The following SNX13 variants were observed in gnomAD, a reference collection of about 807,000 sequenced individuals.
SNX13 encodes the protein sorting nexin-13.
In SNX13, 45 loss-of-function variants were observed where a neutral mutation model predicts 133.6. The observed-to-expected ratio is 0.34, with a 90% CI of 0.27 to 0.43. The LOEUF (loss-of-function observed/expected upper bound fraction) is 0.43. Among genes scored for constraint, SNX13 ranks in the 20% least tolerant of loss-of-function variants. SNX13 has a pLI of 1.00. For missense variants in SNX13, 1,032 were observed against 1,145.1 expected (o/e 0.90, Z 1.43); for synonymous variants, 414 against 373.9 (o/e 1.11, Z -1.24).
At chr7:17,834,962 AC>A in intron 13 of SNX13, 97 bp from the exon 14 acceptor site, 1 of 709,726 alleles carries the variant, frequency 1.4e-6, no homozygotes, top group South Asian at 2.3e-5. Context: ...ATTGAAAATA[AC>A]TGGCAGGTAA....
At chr7:17,829,119 A>G (rs1420214831) in intron 16 of SNX13, among the ~76,000 whole-genome samples, 2 of 151,570 alleles carry the variant, frequency 1.3e-5, no homozygotes, top group Admixed American at 6.6e-5. Flanking sequence ...CATTTACTCA[A>G]TAAGGTTATT....
chr7:17,795,483 T>C (rs1235292020), intron 25 of SNX13: 1 of 151,708 alleles, frequency 6.6e-6, no homozygotes, highest in Non-Finnish European at 1.5e-5. Context: ...ACCACCATCA[T>C]CATCTCAGTG....
chr7:17,914,425 A>G (rs1447916038), intron 1 of SNX13, among the ~76,000 whole-genome samples: 2 of 152,192 alleles, frequency 1.3e-5, no homozygotes, highest in Non-Finnish European at 2.9e-5. Context: ...AATCTGCAAG[A>G]CACATAGTAA....
intron 25 of SNX13, 153 bp from the exon 26 acceptor site, chr7:17,794,445 T>C: frequency 2.2e-6 from 2 of 890,012 alleles, no homozygotes; most frequent in Non-Finnish European, 3.3e-6. Flanking sequence ...AGCTGAAACT[T>C]AATATGCATC....
intron 24 of SNX13, among the ~76,000 whole-genome samples, chr7:17,797,769 C>G (rs1336287426): frequency 6.6e-6 from 1 of 151,750 alleles, no homozygotes; most frequent in Non-Finnish European, 1.5e-5. Context: ...TTTACCTACC[C>G]TGAAATAAAA....
chr7:17,885,240 GACC>G (rs1369014477), intron 5 of SNX13, among the ~76,000 whole-genome samples: 1 of 140,714 alleles, frequency 7.1e-6, no homozygotes, highest in African/African-American at 2.7e-5. Context: ...CAGGAAAAAA[GACC>G]ACATATATTA....
At chr7:17,938,409 G>A (rs1282022594) in intron 1 of SNX13, among the ~76,000 whole-genome samples, 1 of 152,150 alleles carries the variant, frequency 6.6e-6, no homozygotes, top group African/African-American at 2.4e-5. Flanking sequence ...TCTGGCTTCA[G>A]TTTCCTAATC....
chr7:17,886,059 G>C (rs937552137), intron 5 of SNX13, among the ~76,000 whole-genome samples: 1 of 152,102 alleles, frequency 6.6e-6, no homozygotes, highest in Non-Finnish European at 1.5e-5. Flanking sequence ...AGTTTTGTTT[G>C]CCTTTTAACA....
At chr7:17,917,345 A>C (rs1333566119) in intron 1 of SNX13, among the ~76,000 whole-genome samples, 2 of 152,184 alleles carry the variant, frequency 1.3e-5, no homozygotes, top group Non-Finnish European at 2.9e-5. Context: ...AAACGCATCC[A>C]AATAGAAAAA....
chr7:17,894,150 A>T (rs1378382809), intron 2 of SNX13, among the ~76,000 whole-genome samples: 4 of 151,826 alleles, frequency 2.6e-5, no homozygotes, highest in Admixed American at 1.3e-4. Context: ...TAAAAACACA[A>T]AAATTAGCTG....
chr7:17,840,034 T>G (rs757809214), intron 12 of SNX13, 34 bp from the exon 13 acceptor site: 20 of 1,567,844 alleles, frequency 1.3e-5, no homozygotes, highest in Admixed American at 1.1e-4. Context: ...ACATAAATAT[T>G]AGTGTCACAC....
intron 18 of SNX13, among the ~76,000 whole-genome samples, chr7:17,819,368 A>G (rs1177499898): frequency 6.6e-6 from 1 of 152,006 alleles, no homozygotes; most frequent in Non-Finnish European, 1.5e-5. Flanking sequence ...CAGCCTCCTG[A>G]GTAGCTGGGA....
intron 5 of SNX13, among the ~76,000 whole-genome samples, chr7:17,885,006 A>C (rs1795819382): frequency 6.6e-6 from 1 of 152,196 alleles, no homozygotes; most frequent in Non-Finnish European, 1.5e-5. Context: ...GTATATATCC[A>C]AGAGAAATGG....
rs974910708 is a variant in SNX13 at position 17,845,981 on chromosome 7, A to G, written c.1066-287T>C. 6.6e-5 allele frequency among the ~76,000 whole-genome samples: 10 copies of G among 152,186 alleles called. No homozygotes were observed. The East Asian group carries it at 1.9e-3, about 29-fold the overall frequency. On this transcript the variant is annotated intron_variant, in intron 11 of 25. Coordinates refer to ENST00000428135, the MANE Select transcript of SNX13 (RefSeq NM_015132.5). ...ATTTTCAATTATTCTCTATCTCTATATATTCCAAATGAAAATGAACATTCC... is the reference window on the plus strand; with the variant it reads ...ATTTTCAATTATTCTCTATCTCTATGTATTCCAAATGAAAATGAACATTCC...
chr7:17,868,333 C>T (rs1216264353), intron 9 of SNX13, 74 bp downstream of exon 9: 7 of 1,020,304 alleles, frequency 6.9e-6, no homozygotes, highest in East Asian at 2.6e-5. Context: ...GCTTAAACAC[C>T]CTATCTCCCA....
chr7:17,896,310 A>T lies in SNX13; in HGVS notation c.125+1024T>A, dbSNP rs1162689482. On this transcript the variant is annotated intron_variant, in intron 2 of 25. Coordinates refer to ENST00000428135, the MANE Select transcript of SNX13 (RefSeq NM_015132.5). ...AAATACTAAATCTAACATAAAATAC[A>T]GTTTTATGGAGAGTCCTTGACATAG... Among the ~76,000 whole-genome samples, 3 of 152,196 alleles carry T rather than the reference A, an allele frequency of 2.0e-5. No homozygotes were observed. The East Asian group carries it at 5.8e-4, about 29-fold the overall frequency.
At chr7:17,937,513 C>CAA (rs5882636) in intron 1 of SNX13, among the ~76,000 whole-genome samples, 19 of 79,776 alleles carry the variant, frequency 2.4e-4, no homozygotes, top group East Asian at 3.7e-4. Flanking sequence ...GACTCCGTCT[C>CAA]AAAAAAAAAA....
chr7:17,799,487 T>C (rs888549633), intron 22 of SNX13, among the ~76,000 whole-genome samples: 8 of 151,806 alleles, frequency 5.3e-5, no homozygotes, highest in African/African-American at 1.7e-4. Context: ...AGGCAAATGC[T>C]AGACCCTTTG....
chr7:17,821,591 C>T lies in SNX13; in HGVS notation c.1763G>A (p.Arg588His), dbSNP rs367955414. Reference sequence around the variant, plus strand: ...CCACATCTCCTCACTGTTTAGGTTGCGCCGGTGTACAGTGATGGCATATAA... The same window carrying T: ...CCACATCTCCTCACTGTTTAGGTTGTGCCGGTGTACAGTGATGGCATATAA... Reference protein sequence around the residue: ...YALYAITVHRRNLNSEEMWKT... With the variant: ...YALYAITVHRHNLNSEEMWKT... The change falls in exon 18 of 26, where the codon CGC becomes CAC. Residue 588 changes from arginine (R) to histidine (H), a missense_variant. Coordinates refer to ENST00000428135, the MANE Select transcript of SNX13 (RefSeq NM_015132.5). 2.3e-5 allele frequency: 37 copies of T among 1,613,432 alleles called. No individual in the cohort carries two copies. The highest frequency in any genetic ancestry group is 7.7e-5 in the South Asian group (7 of 91,074).
Sources: gnomAD v4.1 joint callset for allele counts (sites outside exome capture counted in the v4.1 genomes callset) on GRCh38, gnomAD v4.1.1 for gene constraint, MANE v1.5 for transcripts, NCBI Gene and HGNC (gene_info 2026-07-23, HGNC 2026-07-21) for gene names.